ATP2B2: variants seen among roughly 807,000 people sequenced by gnomAD.
The protein encoded by ATP2B2 is plasma membrane calcium-transporting ATPase 2.
ATP2B2 carries 15 observed loss-of-function variants against 120.0 expected under a neutral mutation model. The observed-to-expected ratio is 0.12, with a 90% CI of 0.08 to 0.19. The LOEUF (loss-of-function observed/expected upper bound fraction) is 0.19, where lower values mean the gene tolerates loss of function less well. Ranked by LOEUF, ATP2B2 falls within the 10% of genes least tolerant of loss-of-function variation. The probability of loss-of-function intolerance (pLI) is 1.00; values close to 1 mark genes in which losing one functional copy is unlikely to be tolerated. For missense variants in ATP2B2, 1,045 were observed against 1,719.8 expected (o/e 0.61, Z 6.94); for synonymous variants, 694 against 700.3 (o/e 0.99, Z 0.14).
In ATP2B2 at chr3:10,400,964, A is replaced by C; in HGVS notation, c.770T>G (p.Met257Arg). Residue 257 changes from methionine to arginine, a missense_variant, in exon 5 of 23, where the codon ATG becomes AGG. This residue lies in a region of ATP2B2 where 145 missense variants were observed against 202.0 expected (regional missense o/e 0.72). Transcript: ENST00000360273. The stretch of plus-strand genomic sequence containing the variant: ...AGGCTGAAGCTCACCTGACAGCAGC[A>C]TGGGGTCCTTGTCCACGGACTTGCG... ...QVRKSVDKDP[M>R]LLSGTHVMEG... 6.2e-7 allele frequency: 1 copy of C among 1,614,092 alleles called. No individual in the cohort carries two copies. The highest frequency in any genetic ancestry group is 8.5e-7 in the Non-Finnish European group (1 of 1,179,970).
intron 7 of ATP2B2, 56 bp downstream of exon 7, chr3:10,386,424 C>T: frequency 6.3e-7 from 1 of 1,593,372 alleles, no homozygotes; most frequent in Non-Finnish European, 8.6e-7. Context: ...GGCCCAATGA[C>T]CAAAGCCTGC....
In ATP2B2 at chr3:10,654,082, T is replaced by C. The variant is rs143747471; in HGVS notation, c.-459-34121A>G. On this transcript the variant is annotated intron_variant, in intron 1 of 21. Transcript: ENST00000646379. ...GGCATTCTGTACTCATTCTCTTACTTGTCCCTCCCACAAACCCTCTGAGGC... is the reference window on the plus strand; with the variant it reads ...GGCATTCTGTACTCATTCTCTTACTCGTCCCTCCCACAAACCCTCTGAGGC... Among the ~76,000 whole-genome samples, 905 of 152,286 alleles carry C rather than the reference T, an allele frequency of 5.9e-3. 3 individuals carry two copies. The highest frequency in any genetic ancestry group is 9.3e-3 in the Non-Finnish European group (632 of 68,020).
At chr3:10,425,177 G>A (rs748688722) in intron 2 of ATP2B2, among the ~76,000 whole-genome samples, 1 of 151,782 alleles carries the variant, frequency 6.6e-6, no homozygotes, top group Admixed American at 6.6e-5. Flanking sequence ...GGGCGTGGTT[G>A]TGCACGCCTA....
At chr3:10,691,372 G>A (rs2071660058) in intron 1 of ATP2B2, among the ~76,000 whole-genome samples, 1 of 152,206 alleles carries the variant, frequency 6.6e-6, no homozygotes, top group Non-Finnish European at 1.5e-5. Flanking sequence ...TCCCTCTCTG[G>A]TTTCCAGGCC....
rs2060431907 is a variant in ATP2B2 at position 10,346,354 on chromosome 3, C to G, written c.2405-217G>C. On this transcript the variant is annotated intron_variant, in intron 16 of 22. Transcript: ENST00000360273. The surrounding 1 kb of genome is among the most constrained non-coding windows in gnomAD (Gnocchi z 4.1). Reference sequence around the variant, plus strand: ...ACTGGGCTGGTGCCGACTTGGGGCCCCCTGTGGCCCGGGCCCTGCTCACCT... The same window carrying G: ...ACTGGGCTGGTGCCGACTTGGGGCCGCCTGTGGCCCGGGCCCTGCTCACCT... Among the ~76,000 whole-genome samples, 1 of 152,246 alleles carries G rather than the reference C, an allele frequency of 6.6e-6. No homozygotes were observed. Among genetic ancestry groups the G allele is most frequent in the African/African-American group, 2.4e-5 (1 of 41,464 alleles).
In ATP2B2 at chr3:10,436,990, C is replaced by T. The variant is rs2063499538; in HGVS notation, c.199+12355G>A. Reference sequence around the variant, plus strand: ...CCTCATCCACGTGGCTTTGCATTCTCTGTAACAATCTTTTTCCATAATGTC... The same window carrying T: ...CCTCATCCACGTGGCTTTGCATTCTTTGTAACAATCTTTTTCCATAATGTC... On this transcript the variant is annotated intron_variant, in intron 2 of 22. Transcript: ENST00000360273. 2.6e-5 allele frequency among the ~76,000 whole-genome samples: 4 copies of T among 152,210 alleles called. No homozygotes were observed. The South Asian group carries it at 6.2e-4, about 24-fold the overall frequency.
intron 3 of ATP2B2, among the ~76,000 whole-genome samples, chr3:10,518,922 G>A (rs1053736581): frequency 5.3e-5 from 8 of 152,194 alleles, no homozygotes; most frequent in Admixed American, 2.0e-4. Context: ...CATACTCTCC[G>A]GCCAGGCTGG....
chr3:10,541,995 T>A (rs572044911), intron 2 of ATP2B2, among the ~76,000 whole-genome samples: 1 of 152,192 alleles, frequency 6.6e-6, no homozygotes, highest in Admixed American at 6.5e-5. Context: ...CATTATATTA[T>A]AATAATATCC....
intron 1 of ATP2B2, among the ~76,000 whole-genome samples, chr3:10,698,807 C>T (rs2071777051): frequency 6.6e-6 from 1 of 152,246 alleles, no homozygotes; most frequent in Middle Eastern, 3.2e-3. Flanking sequence ...TTGCCACATC[C>T]TCTCCAGGCC....
intron 2 of ATP2B2, among the ~76,000 whole-genome samples, chr3:10,582,910 G>A (rs867011851): frequency 2.6e-5 from 4 of 152,214 alleles, no homozygotes; most frequent in Middle Eastern, 3.2e-3. Flanking sequence ...GCTTACCCTG[G>A]CAGTTCTGTC....
chr3:10,694,550 G>A (rs1420417245), intron 1 of ATP2B2, among the ~76,000 whole-genome samples: 8 of 152,192 alleles, frequency 5.3e-5, no homozygotes, highest in Admixed American at 3.9e-4. Context: ...TTTAACACAT[G>A]AATGTATTTT....
Position 10,553,267 on chromosome 3 carries a change from C to T in ATP2B2, c.-414-19134G>A, listed in dbSNP as rs114062775. On this transcript the variant is annotated intron_variant, in intron 2 of 21. Transcript: ENST00000646379. ...AGAGTGTTTAAGCGGTGTTCTTTCCCGGACTGGAAGCTCCTGAAAGCAGGG... is the reference window on the plus strand; with the variant it reads ...AGAGTGTTTAAGCGGTGTTCTTTCCTGGACTGGAAGCTCCTGAAAGCAGGG... 5.3e-3 allele frequency among the ~76,000 whole-genome samples: 806 copies of T among 152,288 alleles called. 10 individuals are homozygous for T. The highest frequency in any genetic ancestry group is 0.018 in the African/African-American group (735 of 41,552).
At chr3:10,444,939 T>A (rs2063787814) in intron 2 of ATP2B2, among the ~76,000 whole-genome samples, 2 of 152,226 alleles carry the variant, frequency 1.3e-5, no homozygotes, top group Non-Finnish European at 2.9e-5. Flanking sequence ...AGGCAATGCA[T>A]CAGGTGTTGG....
intron 1 of ATP2B2, among the ~76,000 whole-genome samples, chr3:10,455,284 T>C (rs1195959336): frequency 6.6e-6 from 1 of 152,184 alleles, no homozygotes; most frequent in Admixed American, 6.5e-5. Flanking sequence ...TTCCCCTCTT[T>C]GTAATGAGGC....
chr3:10,437,759 TG>T (rs1280754833), intron 2 of ATP2B2, among the ~76,000 whole-genome samples: 2 of 152,090 alleles, frequency 1.3e-5, no homozygotes, highest in Non-Finnish European at 2.9e-5. Flanking sequence ...AAAATTGTGG[TG>T]GTATTTGGAG....
Position 10,471,351 on chromosome 3 carries a change from G to A in ATP2B2, c.-319-21489C>T, listed in dbSNP as rs967405113. 5.1e-5 allele frequency among the ~76,000 whole-genome samples: 7 copies of A among 137,888 alleles called. No individual in the cohort carries two copies. The East Asian group carries it at 1.4e-3, about 28-fold the overall frequency. The allele number at this position is 137,888 out of a possible 152,430, so 90.5% of individuals were successfully genotyped here. A position where few individuals can be genotyped will look rare whatever the true frequency, so the allele number is the denominator to read the frequency against. ...ACAGCTTGGACTTTGGTTTTAAAAG[G>A]GGTTCAGGAAACCTGTGTGTGTGTG... On this transcript the variant is annotated intron_variant, in intron 1 of 22. Coordinates refer to ENST00000360273, the MANE Select transcript of ATP2B2 (RefSeq NM_001001331.4).
At chr3:10,462,321 T>G (rs900696992) in intron 1 of ATP2B2, among the ~76,000 whole-genome samples, 1 of 152,148 alleles carries the variant, frequency 6.6e-6, no homozygotes, top group Non-Finnish European at 1.5e-5. Context: ...AATCCTTCCC[T>G]CATGTCCAGT....
At chr3:10,491,111 G>A (rs776658280) in intron 1 of ATP2B2, among the ~76,000 whole-genome samples, 3 of 152,078 alleles carry the variant, frequency 2.0e-5, no homozygotes, top group Non-Finnish European at 2.9e-5. Context: ...GTTGGGGAGG[G>A]GGCAACAATG....
chr3:10,327,659 T>C lies in ATP2B2; in HGVS notation c.*1155A>G, dbSNP rs1318257515. Reference sequence around the variant, plus strand: ...TCTTAGTAAACTCAAGCGAGTTTCATTGAGAGAAAAGTCTTCGAGCAGTGC... The same window carrying C: ...TCTTAGTAAACTCAAGCGAGTTTCACTGAGAGAAAAGTCTTCGAGCAGTGC... On this transcript the variant is annotated 3_prime_UTR_variant, in exon 23 of 23. Coordinates refer to ENST00000360273, the MANE Select transcript of ATP2B2 (RefSeq NM_001001331.4). 2.6e-5 allele frequency: 4 copies of C among 152,718 alleles called. No homozygotes were observed. Among genetic ancestry groups the C allele is most frequent in the East Asian group, 1.9e-4 (1 of 5,204 alleles). The allele number at this position is 152,718 out of a possible 1,614,324, so 9.5% of individuals were successfully genotyped here.
Sources: gnomAD v4.1 joint callset for allele counts (sites outside exome capture counted in the v4.1 genomes callset) on GRCh38, gnomAD v4.1.1 for gene constraint, gnomAD v4.1.1 regional missense constraint, Gnocchi (gnomAD v3.1) non-coding constraint, MANE v1.5 for transcripts, NCBI Gene and HGNC (gene_info 2026-07-23, HGNC 2026-07-21) for gene names.